Variants in DPYD observed in about 807,000 individuals in gnomAD.
The protein encoded by DPYD is dihydropyrimidine dehydrogenase.
A neutral mutation model predicts 116.2 loss-of-function variants in DPYD; 109 were observed. The ratio of observed to expected loss-of-function variants is 0.94; its 90% CI spans 0.80 to 1.10. The LOEUF is 1.10. Ranked by LOEUF, DPYD falls within the 50% of genes least tolerant of loss-of-function variation. The pLI is 0.00. For missense variants in DPYD, 1,302 were observed against 1,254.5 expected, an observed-to-expected ratio of 1.04 and a Z score of -0.57; for synonymous variants, 440 against 432.0, an observed-to-expected ratio of 1.02 and a Z score of -0.23.
At chr1:97,898,417 GT>G (rs1013150099) in intron 1 of DPYD, among the ~76,000 whole-genome samples, 3 of 151,788 alleles carry the variant, frequency 2.0e-5, no homozygotes, top group Admixed American at 1.3e-4. Context: ...GCTTTGTGTG[GT>G]TTCCCCCTTC....
At chr1:97,917,380 T>G (rs955762674) in intron 1 of DPYD, among the ~76,000 whole-genome samples, 16 of 152,202 alleles carry the variant, frequency 1.1e-4, no homozygotes, top group African/African-American at 3.6e-4. Flanking sequence ...CCCATGACTT[T>G]CCTTGTTTCA....
chr1:97,523,844 G>A (rs1010306790), intron 12 of DPYD, among the ~76,000 whole-genome samples: 40 of 152,248 alleles, frequency 2.6e-4, no homozygotes, highest in African/African-American at 9.1e-4. Flanking sequence ...AGGGGGAAAT[G>A]ATAAACTATC....
intron 2 of DPYD, among the ~76,000 whole-genome samples, chr1:97,863,565 A>C (rs1039804964): frequency 1.1e-4 from 17 of 151,888 alleles, no homozygotes; most frequent in African/African-American, 4.1e-4. Flanking sequence ...TATATTATAG[A>C]ATATTATGCA....
intron 8 of DPYD, among the ~76,000 whole-genome samples, chr1:97,633,950 G>T (rs909762035): frequency 6.6e-6 from 1 of 152,096 alleles, no homozygotes. Context: ...GCTAGGGAGG[G>T]AGAGCCTTCA....
chr1:97,382,933 AC>A (rs1249293128), intron 14 of DPYD, among the ~76,000 whole-genome samples: 1 of 152,208 alleles, frequency 6.6e-6, no homozygotes, highest in African/African-American at 2.4e-5. Flanking sequence ...ACTATAGTAC[AC>A]ATAATAATAT....
chr1:97,244,528 G>A (rs1662581013), intron 18 of DPYD, among the ~76,000 whole-genome samples: 1 of 151,944 alleles, frequency 6.6e-6, no homozygotes, highest in African/African-American at 2.4e-5. Flanking sequence ...AAGAATTACT[G>A]AATTAAGGAC....
intron 14 of DPYD, among the ~76,000 whole-genome samples, chr1:97,409,582 C>G (rs1351111261): frequency 1.3e-5 from 2 of 152,194 alleles, no homozygotes; most frequent in African/African-American, 2.4e-5. Context: ...AAACACACAA[C>G]TTACTCTTTT....
intron 8 of DPYD, among the ~76,000 whole-genome samples, chr1:97,651,658 G>A (rs768938560): frequency 4.6e-5 from 7 of 152,118 alleles, no homozygotes; most frequent in Admixed American, 6.6e-5. Flanking sequence ...CTCCTACAGC[G>A]TAATAGATTT....
intron 18 of DPYD, among the ~76,000 whole-genome samples, chr1:97,252,455 TC>T (rs1272640331): frequency 1.3e-5 from 2 of 152,212 alleles, no homozygotes; most frequent in African/African-American, 2.4e-5. Context: ...CTTGTTTTTT[TC>T]CAATTTATAT....
chr1:97,110,207 A>G (rs1651491921), intron 20 of DPYD, among the ~76,000 whole-genome samples: 1 of 152,142 alleles, frequency 6.6e-6, no homozygotes, highest in Non-Finnish European at 1.5e-5. Flanking sequence ...GTATTTGTTG[A>G]GTATTTACAA....
At chr1:97,549,497 A>G (rs1257603246) in intron 12 of DPYD, 63 bp downstream of exon 12, 2 of 1,560,912 alleles carry the variant, frequency 1.3e-6, no homozygotes, top group Non-Finnish European at 1.8e-6. Flanking sequence ...GATGAGTATC[A>G]AAAATAAATG....
intron 12 of DPYD, among the ~76,000 whole-genome samples, chr1:97,536,052 T>C (rs12089969): frequency 0.092 from 14,010 of 152,236 alleles, 845 homozygotes; most frequent in Middle Eastern, 0.18. Flanking sequence ...TTTCTATGAC[T>C]GTAAGCAAAT....
At chr1:97,693,290 CAAAAAAAAAAAAAAAAA>C (rs201872835) in intron 6 of DPYD, among the ~76,000 whole-genome samples, 1 of 41,844 alleles carries the variant, frequency 2.4e-5, no homozygotes, top group Admixed American at 2.6e-4. Flanking sequence ...GACTCCGTCT[CAAAAAAAAAAAAAAAAA>C]AAAAAAAAAA....
At chr1:97,768,309 A>T (rs1490497825) in intron 3 of DPYD, among the ~76,000 whole-genome samples, 1 of 152,194 alleles carries the variant, frequency 6.6e-6, no homozygotes, top group Non-Finnish European at 1.5e-5. Flanking sequence ...CCTTATAATG[A>T]GGCCATAGAC....
At chr1:97,279,777 T>TAGGA (rs1475620548) in intron 18 of DPYD, among the ~76,000 whole-genome samples, 4 of 152,138 alleles carry the variant, frequency 2.6e-5, no homozygotes, top group African/African-American at 9.7e-5. Flanking sequence ...CCCAAGGTGT[T>TAGGA]AGGATTACAG....
At chr1:97,522,544 C>A (rs1464557145) in intron 12 of DPYD, among the ~76,000 whole-genome samples, 1 of 151,944 alleles carries the variant, frequency 6.6e-6, no homozygotes, top group Non-Finnish European at 1.5e-5. Flanking sequence ...ATGGTGAAAC[C>A]CCGTCTCTAC....
At chr1:97,345,203 A>AT (rs1164838909) in intron 16 of DPYD, among the ~76,000 whole-genome samples, 1 of 151,802 alleles carries the variant, frequency 6.6e-6, no homozygotes, top group Non-Finnish European at 1.5e-5. Context: ...CTAATGTCCC[A>AT]TTTTCCCCTG....
Position 97,720,861 on chromosome 1 carries a change from C to A in DPYD, c.483+649G>T, listed in dbSNP as rs187184975. On this transcript the variant is annotated intron_variant, in intron 5 of 22. Coordinates refer to ENST00000370192, the MANE Select transcript of DPYD (RefSeq NM_000110.4). ...CTCCAAATAGGAGACGTCAGAGAGC[C>A]CAAGAGTGTCTGAAGAATCAAAGTC... 9.3e-4 allele frequency: 1,502 copies of A among 1,607,952 alleles called. 9 individuals are homozygous for A. The Middle Eastern group carries it at 0.019, about 21-fold the overall frequency.
At chr1:97,563,731 T>C (rs747342415) in intron 11 of DPYD, among the ~76,000 whole-genome samples, 8 of 152,198 alleles carry the variant, frequency 5.3e-5, no homozygotes, top group Non-Finnish European at 8.8e-5. Context: ...GTGCTTCAAA[T>C]GGATATCTAA....
Sources: allele counts gnomAD v4.1 joint callset (sites outside exome capture counted in the v4.1 genomes callset), GRCh38; gene constraint gnomAD v4.1.1; transcripts MANE v1.5; gene names NCBI Gene and HGNC (gene_info 2026-07-23, HGNC 2026-07-21).